The following CDIN1 variants were observed in gnomAD, a reference collection of about 807,000 sequenced individuals.
CDIN1 encodes the protein CDAN1-interacting nuclease 1.
CDIN1 carries 33 observed loss-of-function variants against 45.3 expected under a neutral mutation model. The ratio of observed to expected loss-of-function variants is 0.73; its 90% confidence interval spans 0.55 to 0.97. The LOEUF is 0.97. Ranked by LOEUF, CDIN1 falls within the 50% of genes least tolerant of loss-of-function variation. CDIN1 has a pLI of 0.00. For missense variants in CDIN1, 303 were observed against 339.4 expected, an observed-to-expected ratio of 0.89 and a Z score of 0.84; for synonymous variants, 118 against 124.4, an observed-to-expected ratio of 0.95 and a Z score of 0.34.
At chr15:36,695,067 G>GGGACAACT (rs1566907468) in intron 7 of CDIN1, among the ~76,000 whole-genome samples, 1 of 152,184 alleles carries the variant, frequency 6.6e-6, no homozygotes, top group Admixed American at 6.5e-5. Context: ...TGGAAGGCAA[G>GGGACAACT]GGACAACTGG....
intron 5 of CDIN1, among the ~76,000 whole-genome samples, chr15:36,659,137 A>G (rs1318870805): frequency 6.6e-6 from 1 of 152,202 alleles, no homozygotes; most frequent in Non-Finnish European, 1.5e-5. Context: ...AGTAGTCAGC[A>G]TAGTCTGAAG....
intron 10 of CDIN1, among the ~76,000 whole-genome samples, chr15:36,717,947 T>C (rs1034877459): frequency 2.0e-4 from 30 of 152,146 alleles, no homozygotes; most frequent in African/African-American, 6.8e-4. Context: ...TGAGAATCTT[T>C]TCTTATGTTT....
chr15:36,588,738 C>T (rs980760983), intron 1 of CDIN1, among the ~76,000 whole-genome samples: 5 of 152,054 alleles, frequency 3.3e-5, no homozygotes, highest in African/African-American at 1.2e-4. Flanking sequence ...TTTAAAGACT[C>T]TTCTGAAAGG....
intron 10 of CDIN1, among the ~76,000 whole-genome samples, chr15:36,749,567 T>C (rs1462630108): frequency 2.0e-5 from 3 of 152,226 alleles, no homozygotes; most frequent in Admixed American, 6.5e-5. Context: ...TGTGGCACGA[T>C]TCAGACTGAA....
chr15:36,746,962 C>G (rs2044468601), intron 10 of CDIN1: 4 of 398,198 alleles, frequency 1.0e-5, no homozygotes, highest in Non-Finnish European at 1.8e-5. Flanking sequence ...GTTCCTCAGG[C>G]TGGTGTGGAA....
Position 36,657,857 on chromosome 15 carries a change from G to T in CDIN1, c.298G>T (p.Ala100Ser), listed in dbSNP as rs201022722. 164 of 1,611,650 alleles carry T rather than the reference G, an allele frequency of 1.0e-4. No homozygotes were observed. Among genetic ancestry groups the T allele is most frequent in the Non-Finnish European group, 1.3e-4 (157 of 1,178,942 alleles). ...GGTGGACTATGCGCCCTCATTAATG[G>T]CTCGGCTTATACTGGAGAGGTTTCT... ...NEVDYAPSLM[A>S]RLILERFLQE... Residue 100 changes from alanine (A) to serine (S), a missense_variant, in exon 5 of 11, where the codon GCT (alanine) becomes TCT (serine). Physicochemically the swap from Ala to Ser is moderately conservative, Grantham distance 99 (BLOSUM62 1). Coordinates refer to ENST00000566621, the MANE Select transcript of CDIN1 (RefSeq NM_001321759.2).
At chr15:36,616,923 T>TA (rs1566836172) in intron 1 of CDIN1, among the ~76,000 whole-genome samples, 11 of 151,112 alleles carry the variant, frequency 7.3e-5, no homozygotes, top group Admixed American at 3.3e-4. Context: ...AGACTTAGTG[T>TA]CAAAAAAATA....
chr15:36,622,601 G>A lies in CDIN1; in HGVS notation c.102-21677G>A, dbSNP rs1181665407. Among the ~76,000 whole-genome samples, 3 of 152,172 alleles carry A rather than the reference G, an allele frequency of 2.0e-5. No individual in the cohort carries two copies. The East Asian group carries it at 5.8e-4, about 29-fold the overall frequency. ...GGAAGCAGACTGTATTTCACCTCAGGGGCCTGTGGTTATAGACTTGAGGAA... is the reference window on the plus strand; with the variant it reads ...GGAAGCAGACTGTATTTCACCTCAGAGGCCTGTGGTTATAGACTTGAGGAA... On this transcript the variant is annotated intron_variant, in intron 1 of 10. Coordinates refer to ENST00000566621, the MANE Select transcript of CDIN1 (RefSeq NM_001321759.2).
At chr15:36,679,668 G>A (rs1198794988) in intron 5 of CDIN1, among the ~76,000 whole-genome samples, 3 of 152,146 alleles carry the variant, frequency 2.0e-5, no homozygotes, top group Non-Finnish European at 4.4e-5. Context: ...CCTGTTATAT[G>A]ACTTTCAAGT....
chr15:36,626,228 A>T (rs1194642031), intron 1 of CDIN1, among the ~76,000 whole-genome samples: 1 of 151,026 alleles, frequency 6.6e-6, no homozygotes, highest in African/African-American at 2.4e-5. Context: ...GCTAGAACTG[A>T]TGGGGAATCA....
intron 5 of CDIN1, among the ~76,000 whole-genome samples, chr15:36,659,909 T>C (rs2040929286): frequency 6.6e-6 from 1 of 151,814 alleles, no homozygotes; most frequent in South Asian, 2.1e-4. Context: ...CTGATGGTGC[T>C]AGGTTATCTT....
At chr15:36,649,433 G>A (rs1000506589) in intron 3 of CDIN1, among the ~76,000 whole-genome samples, 2 of 152,148 alleles carry the variant, frequency 1.3e-5, no homozygotes, top group Non-Finnish European at 2.9e-5. Context: ...TTATACAGAA[G>A]CTATATGTCA....
chr15:36,738,508 C>T (rs2044115467), intron 10 of CDIN1, among the ~76,000 whole-genome samples: 1 of 152,204 alleles, frequency 6.6e-6, no homozygotes, highest in African/African-American at 2.4e-5. Flanking sequence ...TTGTTCTGAC[C>T]TCATCTCCTA....
chr15:36,774,166 G>GCGCGCC (rs750035181), intron 10 of CDIN1, among the ~76,000 whole-genome samples: 1 of 149,374 alleles, frequency 6.7e-6, no homozygotes, highest in Non-Finnish European at 1.5e-5. Context: ...GTGTGTGTGC[G>GCGCGCC]CGCGCGCGCA....
At chr15:36,691,876 G>A in intron 6 of CDIN1, 112 bp downstream of exon 6, 1 of 902,560 alleles carries the variant, frequency 1.1e-6, no homozygotes, top group South Asian at 1.6e-5. Flanking sequence ...CTGAGGTCAG[G>A]GTGCACCATA....
intron 10 of CDIN1, among the ~76,000 whole-genome samples, chr15:36,720,003 A>G (rs1368468570): frequency 6.6e-6 from 1 of 151,916 alleles, no homozygotes; most frequent in Non-Finnish European, 1.5e-5. Context: ...CTTCTTTTCT[A>G]GATCAATCTG....
chr15:36,603,175 A>G (rs911440207), intron 1 of CDIN1, among the ~76,000 whole-genome samples: 8 of 151,888 alleles, frequency 5.3e-5, no homozygotes, highest in Non-Finnish European at 7.4e-5. Flanking sequence ...CTCCTTCCTT[A>G]ACTATTAGCC....
At chr15:36,800,385 TATTAA>T (rs2054970951) in intron 10 of CDIN1, among the ~76,000 whole-genome samples, 1 of 152,220 alleles carries the variant, frequency 6.6e-6, no homozygotes, top group African/African-American at 2.4e-5. Context: ...TTGTATTGTA[TATTAA>T]ATTGACCATA....
intron 1 of CDIN1, among the ~76,000 whole-genome samples, chr15:36,619,994 G>T (rs1385979307): frequency 6.6e-6 from 1 of 151,734 alleles, no homozygotes; most frequent in Non-Finnish European, 1.5e-5. Context: ...AACTGTGATT[G>T]TACTTGGACA....
Sources: allele counts gnomAD v4.1 joint callset (sites outside exome capture counted in the v4.1 genomes callset), GRCh38; gene constraint gnomAD v4.1.1; transcripts MANE v1.5; gene names NCBI Gene and HGNC (gene_info 2026-07-23, HGNC 2026-07-21).